The following GABRB3 variants were observed in gnomAD, a reference collection of about 807,000 sequenced individuals.
The protein encoded by GABRB3 is gamma-aminobutyric acid receptor subunit beta-3.
In GABRB3, 14 loss-of-function variants were observed where a neutral mutation model predicts 52.1. That is an observed-to-expected ratio of 0.27 (90% CI 0.18 to 0.42). GABRB3 has a LOEUF of 0.42. Ranked by LOEUF, GABRB3 falls within the 10% of genes least tolerant of loss-of-function variation. The pLI, the probability that GABRB3 is intolerant of heterozygous loss-of-function variation, is 1.00. For synonymous variants in GABRB3, 260 were observed against 232.3 expected, an observed-to-expected ratio of 1.12 and a Z score of -1.08; for missense variants, 307 against 609.1, an observed-to-expected ratio of 0.50 and a Z score of 5.22.
At chr15:26,745,250 A>C (rs1157493315) in intron 3 of GABRB3, among the ~76,000 whole-genome samples, 1 of 152,220 alleles carries the variant, frequency 6.6e-6, no homozygotes, top group Non-Finnish European at 1.5e-5. Context: ...ATTAGGCAGA[A>C]ACATATATTC....
intron 3 of GABRB3, among the ~76,000 whole-genome samples, chr15:26,680,180 T>C (rs1888193828): frequency 6.6e-6 from 1 of 152,360 alleles, no homozygotes; most frequent in African/African-American, 2.4e-5. Context: ...AGACTGCCTG[T>C]AGACTAAGGC....
chr15:26,660,292 T>C (rs1490840540), intron 3 of GABRB3, among the ~76,000 whole-genome samples: 2 of 151,936 alleles, frequency 1.3e-5, no homozygotes, highest in Non-Finnish European at 2.9e-5. Context: ...ATCCTCTAGA[T>C]ACTCAGTTGA....
intron 3 of GABRB3, among the ~76,000 whole-genome samples, chr15:26,726,914 A>C (rs1889788873): frequency 6.6e-6 from 1 of 152,320 alleles, no homozygotes; most frequent in East Asian, 1.9e-4. Flanking sequence ...TAGTCCCAGC[A>C]CTTTGGGAGA....
At chr15:26,714,440 T>G (rs1294489209) in intron 3 of GABRB3, among the ~76,000 whole-genome samples, 1 of 152,184 alleles carries the variant, frequency 6.6e-6, no homozygotes, top group East Asian at 1.9e-4. Flanking sequence ...GTTTTATACA[T>G]TCTAGGGAGA....
intron 4 of GABRB3, among the ~76,000 whole-genome samples, chr15:26,607,186 A>G (rs1193054794): frequency 6.6e-6 from 1 of 152,144 alleles, no homozygotes; most frequent in Non-Finnish European, 1.5e-5. Context: ...CTGTGAATCT[A>G]CTATGATTCT....
chr15:26,700,463 G>A (rs1346406760), intron 3 of GABRB3, among the ~76,000 whole-genome samples: 2 of 152,152 alleles, frequency 1.3e-5, no homozygotes, highest in Non-Finnish European at 2.9e-5. Context: ...ACACCTCCCA[G>A]TTTATTCTCA....
intron 4 of GABRB3, chr15:26,614,784 T>C (rs1159726949): frequency 1.3e-5 from 2 of 152,354 alleles, no homozygotes; most frequent in East Asian, 3.9e-4. Context: ...TTCATTTTAA[T>C]ATTGCTTTCA....
At chr15:26,639,941 G>A (rs1893154100) in intron 3 of GABRB3, among the ~76,000 whole-genome samples, 1 of 152,204 alleles carries the variant, frequency 6.6e-6, no homozygotes, top group African/African-American at 2.4e-5. Flanking sequence ...GCCAACAAGA[G>A]TTGTGAATGG....
chr15:26,717,414 T>C (rs920132782), intron 3 of GABRB3, among the ~76,000 whole-genome samples: 15 of 152,166 alleles, frequency 9.9e-5, no homozygotes, highest in African/African-American at 2.9e-4. Flanking sequence ...GCTCTGAAGC[T>C]CCCAGGGACT....
In GABRB3 at chr15:26,574,726, C is replaced by T. The variant is rs552314059; in HGVS notation, c.682+5593G>A. On this transcript the variant is annotated intron_variant, in intron 6 of 8. Coordinates refer to ENST00000311550, the MANE Select transcript of GABRB3 (RefSeq NM_000814.6). The stretch of plus-strand genomic sequence containing the variant: ...AAGGAGAAACTAGATTAGTGGTTGT[C>T]TAGGGTTGGGAGAAATGGGAAGAGA... 7.9e-5 allele frequency among the ~76,000 whole-genome samples: 12 copies of T among 151,310 alleles called. No individual in the cohort carries two copies. In the East Asian group the frequency reaches 1.4e-3, roughly 18 times the overall value.
chr15:26,685,586 G>A (rs901340496), intron 3 of GABRB3, among the ~76,000 whole-genome samples: 3 of 152,140 alleles, frequency 2.0e-5, no homozygotes, highest in African/African-American at 7.2e-5. Flanking sequence ...AAGCAGATGA[G>A]ATTATCTCAA....
intron 3 of GABRB3, among the ~76,000 whole-genome samples, chr15:26,757,271 C>T (rs1489274974): frequency 6.6e-6 from 1 of 152,166 alleles, no homozygotes; most frequent in Non-Finnish European, 1.5e-5. Flanking sequence ...TGCCCAGAAA[C>T]TCATCCCTTT....
chr15:26,564,066 T>C (rs1890079135), intron 7 of GABRB3, among the ~76,000 whole-genome samples: 3 of 152,108 alleles, frequency 2.0e-5, no homozygotes, highest in African/African-American at 7.2e-5. Context: ...AACCTAAAAA[T>C]CCAAAATCTG....
intron 3 of GABRB3, among the ~76,000 whole-genome samples, chr15:26,674,240 A>G (rs1429032303): frequency 1.3e-5 from 2 of 151,558 alleles, no homozygotes; most frequent in Non-Finnish European, 2.9e-5. Context: ...TGTCTCTACT[A>G]AAAATACAAA....
intron 4 of GABRB3, among the ~76,000 whole-genome samples, chr15:26,593,981 A>AATATATATATATATATATATATATAT (rs61218096): frequency 1.5e-5 from 2 of 133,970 alleles, no homozygotes; most frequent in African/African-American, 5.3e-5. Context: ...CTCATTTTAA[A>AATATATATATATATATATATATATAT]ATATATATAT....
At chr15:26,696,972 C>G (rs1026784385) in intron 3 of GABRB3, among the ~76,000 whole-genome samples, 1 of 152,156 alleles carries the variant, frequency 6.6e-6, no homozygotes, top group African/African-American at 2.4e-5. Flanking sequence ...ATGACAAAAT[C>G]AAATTTAGGG....
chr15:26,713,984 T>G (rs1467048677), intron 3 of GABRB3, among the ~76,000 whole-genome samples: 1 of 152,182 alleles, frequency 6.6e-6, no homozygotes, highest in Non-Finnish European at 1.5e-5. Context: ...ATGGCGGGGC[T>G]GAGGTGACCA....
intron 3 of GABRB3, among the ~76,000 whole-genome samples, chr15:26,702,247 T>C (rs1346800383): frequency 3.3e-5 from 5 of 152,238 alleles, no homozygotes; most frequent in Non-Finnish European, 5.9e-5. Context: ...GAAAAACTTT[T>C]GTCTTTTGAA....
intron 3 of GABRB3, among the ~76,000 whole-genome samples, chr15:26,766,286 C>T (rs1301746173): frequency 3.9e-5 from 6 of 152,018 alleles, no homozygotes; most frequent in Admixed American, 6.5e-5. Flanking sequence ...TACTCATAGA[C>T]GAAAAAGAAG....
Sources: gnomAD v4.1 joint callset for allele counts (sites outside exome capture counted in the v4.1 genomes callset) on GRCh38, gnomAD v4.1.1 for gene constraint, MANE v1.5 for transcripts, NCBI Gene and HGNC (gene_info 2026-07-23, HGNC 2026-07-21) for gene names.